The following MNAT1 variants were observed in gnomAD, a reference collection of about 807,000 sequenced individuals.
MNAT1 encodes the protein MNAT1 component of CDK activating kinase.
MNAT1 carries 43 observed loss-of-function variants against 42.0 expected under a neutral mutation model. That is an observed-to-expected ratio of 1.02 (90% confidence interval 0.80 to 1.32). The LOEUF is 1.32. MNAT1 is among the 40% of genes most tolerant of loss of function. The pLI is 0.00. For synonymous variants in MNAT1, 118 were observed against 120.0 expected (o/e 0.98, Z 0.11); for missense variants, 306 against 350.4 (o/e 0.87, Z 1.01).
rs4151360 is a variant in MNAT1, at chr14:60,927,531, A to T, written c.810-40698A>T. ...ATGCCCAGAAAGGAGCCCTGAATTC[A>T]CAAGGGTGCCCTGTACTTGGAGTTT... On this transcript the variant is annotated intron_variant, in intron 7 of 7. Coordinates refer to ENST00000261245, the MANE Select transcript of MNAT1 (RefSeq NM_002431.4). 1.1e-3 allele frequency among the ~76,000 whole-genome samples: 168 copies of T among 152,318 alleles called. No individual in the cohort carries two copies. In the East Asian group the frequency reaches 0.023, roughly 21 times the overall value.
intron 7 of MNAT1, among the ~76,000 whole-genome samples, chr14:60,937,418 G>T (rs997436589): frequency 6.6e-6 from 1 of 152,276 alleles, no homozygotes; most frequent in African/African-American, 2.4e-5. Context: ...GTGTAAGGAA[G>T]GGATCCAGTT....
chr14:60,759,276 T>C (rs2030495650), intron 1 of MNAT1, among the ~76,000 whole-genome samples: 1 of 152,238 alleles, frequency 6.6e-6, no homozygotes, highest in South Asian at 2.1e-4. Flanking sequence ...GTCTGGTCTC[T>C]GCCTATTTTA....
intron 1 of MNAT1, among the ~76,000 whole-genome samples, chr14:60,745,447 C>T (rs1005835738): frequency 1.1e-4 from 16 of 152,162 alleles, no homozygotes; most frequent in Admixed American, 7.2e-4. Flanking sequence ...GAGACAGTCT[C>T]GCTCTGTTGC....
intron 7 of MNAT1, among the ~76,000 whole-genome samples, chr14:60,902,906 T>C (rs1314246126): frequency 6.6e-6 from 1 of 152,066 alleles, no homozygotes; most frequent in Non-Finnish European, 1.5e-5. Flanking sequence ...CCTAGTTCTA[T>C]TAGGTGAATA....
intron 1 of MNAT1, among the ~76,000 whole-genome samples, chr14:60,747,234 C>T (rs539092970): frequency 5.1e-4 from 78 of 151,896 alleles, no homozygotes; most frequent in African/African-American, 1.7e-3. Flanking sequence ...TCTGCCCGCC[C>T]TGGCCTCCCA....
intron 2 of MNAT1, among the ~76,000 whole-genome samples, chr14:60,796,951 G>A (rs1007704000): frequency 5.3e-5 from 8 of 151,840 alleles, no homozygotes; most frequent in Non-Finnish European, 1.2e-4. Flanking sequence ...GTATTTTTGT[G>A]TATATAGATA....
chr14:60,912,529 T>C (rs1264374511), intron 7 of MNAT1, among the ~76,000 whole-genome samples: 1 of 152,170 alleles, frequency 6.6e-6, no homozygotes, highest in Non-Finnish European at 1.5e-5. Flanking sequence ...GGTGACAAAA[T>C]CTCTCAGCAT....
intron 1 of MNAT1, among the ~76,000 whole-genome samples, chr14:60,748,259 C>T (rs2029916851): frequency 6.6e-6 from 1 of 151,710 alleles, no homozygotes; most frequent in African/African-American, 2.4e-5. Flanking sequence ...GAGACAGGGT[C>T]TTGCTCTGTC....
intron 7 of MNAT1, among the ~76,000 whole-genome samples, chr14:60,951,374 A>G (rs2036381884): frequency 7.4e-6 from 1 of 134,450 alleles, no homozygotes. Context: ...ATTGGAGTTT[A>G]ATTTGCTTCT....
intron 6 of MNAT1, among the ~76,000 whole-genome samples, chr14:60,853,209 C>G (rs1416905753): frequency 1.3e-5 from 2 of 152,156 alleles, no homozygotes; most frequent in Non-Finnish European, 2.9e-5. Context: ...TTTGTGTCCT[C>G]TCTTATTTCC....
chr14:60,796,338 G>A lies in MNAT1; in HGVS notation c.211G>A (p.Glu71Lys). Residue 71 changes from glutamate (E) to lysine (K), a missense_variant, in exon 2 of 8, where the codon GAG (glutamate) becomes AAG (lysine). Transcript: ENST00000261245. The part of the protein sequence containing the change: ...QLFEDPTVDK[E>K]VEIRKKVLKI... ...CTTTGAAGATCCCACTGTTGACAAGGAGGTTGAGATCAGGAAAAAAGTGCT... is the reference window on the plus strand; with the variant it reads ...CTTTGAAGATCCCACTGTTGACAAGAAGGTTGAGATCAGGAAAAAAGTGCT... The A allele has an allele frequency of 1.9e-6, 3 of 1,613,452 alleles. No individual in the cohort carries two copies. The highest frequency in any genetic ancestry group is 1.1e-5 in the South Asian group (1 of 90,958).
chr14:60,835,240 G>A (rs1196011576), intron 6 of MNAT1, among the ~76,000 whole-genome samples: 1 of 152,004 alleles, frequency 6.6e-6, no homozygotes, highest in Admixed American at 6.6e-5. Context: ...GGGGCATTTA[G>A]CCTGTTTACA....
intron 7 of MNAT1, among the ~76,000 whole-genome samples, chr14:60,885,336 T>C (rs1164193351): frequency 6.6e-6 from 1 of 152,014 alleles, no homozygotes; most frequent in Non-Finnish European, 1.5e-5. Context: ...ATTTGCACTT[T>C]TGAGGCTATT....
At chr14:60,832,083 T>G (rs1372533914) in intron 6 of MNAT1, among the ~76,000 whole-genome samples, 1 of 152,222 alleles carries the variant, frequency 6.6e-6, no homozygotes, top group Admixed American at 6.5e-5. Context: ...ATATTAGCCC[T>G]TTGTCAGATA....
At chr14:60,767,253 G>A (rs1201626473) in intron 1 of MNAT1, among the ~76,000 whole-genome samples, 1 of 152,182 alleles carries the variant, frequency 6.6e-6, no homozygotes, top group East Asian at 1.9e-4. Context: ...GTGCTTTGTA[G>A]ATTTGTGACT....
chr14:60,786,256 TAAG>T (rs981796524), intron 1 of MNAT1, among the ~76,000 whole-genome samples: 24 of 151,758 alleles, frequency 1.6e-4, no homozygotes, highest in Non-Finnish European at 3.2e-4. Context: ...AAAAACAAAA[TAAG>T]AAGTGAAGAG....
chr14:60,940,352 T>G (rs1239180025), intron 7 of MNAT1, among the ~76,000 whole-genome samples: 3 of 152,370 alleles, frequency 2.0e-5, no homozygotes, highest in Non-Finnish European at 4.4e-5. Flanking sequence ...ATTTGGCATG[T>G]TTTTGCAGTG....
chr14:60,966,026 A>T (rs1041197893), intron 7 of MNAT1, among the ~76,000 whole-genome samples: 1 of 152,184 alleles, frequency 6.6e-6, no homozygotes, highest in Non-Finnish European at 1.5e-5. Flanking sequence ...TGTGTCTTGG[A>T]AAGTAATAAG....
chr14:60,853,722 C>T (rs191291254), intron 6 of MNAT1, among the ~76,000 whole-genome samples: 8 of 152,228 alleles, frequency 5.3e-5, no homozygotes, highest in Admixed American at 3.9e-4. Flanking sequence ...TACATTCCAC[C>T]AATACCTAGT....
Sources: gnomAD v4.1 joint callset for allele counts (sites outside exome capture counted in the v4.1 genomes callset) on GRCh38, gnomAD v4.1.1 for gene constraint, MANE v1.5 for transcripts, NCBI Gene and HGNC (gene_info 2026-07-23, HGNC 2026-07-21) for gene names.